SRGAP2C: variants seen among roughly 807,000 people sequenced by gnomAD.
SRGAP2C encodes SLIT-ROBO Rho GTPase activating protein 2C, also known as SLIT-ROBO Rho GTPase-activating protein 2C.
A neutral mutation model predicts 25.1 loss-of-function variants in SRGAP2C; 15 were observed. The ratio of observed to expected loss-of-function variants is 0.60; its 90% CI spans 0.40 to 0.92. The LOEUF (loss-of-function observed/expected upper bound fraction) is 0.92. SRGAP2C is among the 40% of genes least tolerant of loss of function. The pLI is 0.00. For missense variants in SRGAP2C, 144 were observed against 264.4 expected (o/e 0.54, Z 3.16); for synonymous variants, 44 against 96.6 (o/e 0.46, Z 3.19).
intron 2 of SRGAP2C, among the ~76,000 whole-genome samples, chr1:121,239,316 A>AT (rs1395454145): frequency 2.0e-4 from 4 of 20,392 alleles, no homozygotes; most frequent in African/African-American, 1.4e-3. Flanking sequence ...AACAAATGAT[A>AT]TTTTTTCAGA....
chr1:121,263,135 C>T (rs1316960231), intron 2 of SRGAP2C, among the ~76,000 whole-genome samples: 2 of 151,530 alleles, frequency 1.3e-5, no homozygotes, highest in Non-Finnish European at 3.0e-5. Context: ...GGGCAGATCG[C>T]TTGAGGTCAG....
chr1:121,199,495 A>G lies in SRGAP2C; in HGVS notation c.67+11982A>G, dbSNP rs1654923526. Among the ~76,000 whole-genome samples, 2 of 77,884 alleles carry G rather than the reference A, an allele frequency of 2.6e-5. 1 individual carries two copies. Among genetic ancestry groups the G allele is most frequent in the Non-Finnish European group, 5.0e-5 (2 of 39,742 alleles). The allele number at this position is 77,884 out of a possible 152,430, so 51.1% of individuals were successfully genotyped here. A position where few individuals can be genotyped will look rare whatever the true frequency, so the allele number is the denominator to read the frequency against. ...CAGGGTTCATGATTTTTGCTTATTA[A>G]TACGTTGAAGATCGGCCTGGCTGGG... On this transcript the variant is annotated intron_variant, in intron 2 of 9. Transcript: ENST00000367123.
intron 2 of SRGAP2C, among the ~76,000 whole-genome samples, chr1:121,266,068 G>A (rs1411895449): frequency 6.6e-6 from 1 of 151,812 alleles, no homozygotes; most frequent in Non-Finnish European, 1.5e-5. Context: ...TTTGCATCCT[G>A]GGTTCAAGTG....
chr1:121,212,191 T>C (rs1165087969), intron 2 of SRGAP2C, among the ~76,000 whole-genome samples: 1 of 102,334 alleles, frequency 9.8e-6, no homozygotes, highest in Admixed American at 1.2e-4. Context: ...AGTGCAGTGG[T>C]GCGATCTCGG....
rs587599579 is a variant in SRGAP2C at position 121,250,198 on chromosome 1, C to T, written c.68-34605C>T. 4.6e-3 allele frequency among the ~76,000 whole-genome samples: 339 copies of T among 73,500 alleles called. 14 individuals carry two copies. The highest frequency in any genetic ancestry group is 0.01 in the Middle Eastern group (2 of 200). The allele number at this position is 73,500 out of a possible 152,430, so 48.2% of individuals were successfully genotyped here. A position where few individuals can be genotyped will look rare whatever the true frequency, so the allele number is the denominator to read the frequency against. On this transcript the variant is annotated intron_variant, in intron 2 of 9. Transcript: ENST00000367123. ...GTAGGAGAGTAAGAACAAAAGGGGGCTAAGGACATTATAAAAAGTATTAGT... is the reference window on the plus strand; with the variant it reads ...GTAGGAGAGTAAGAACAAAAGGGGGTTAAGGACATTATAAAAAGTATTAGT...
chr1:121,374,426 C>A (rs1374681837), intron 6 of SRGAP2C, among the ~76,000 whole-genome samples: 4 of 151,954 alleles, frequency 2.6e-5, no homozygotes, highest in Admixed American at 2.6e-4. Flanking sequence ...ACAGCAGTCA[C>A]CTTTCCCAAT....
intron 2 of SRGAP2C, among the ~76,000 whole-genome samples, chr1:121,196,232 G>A (rs1553320609): frequency 2.0e-5 from 1 of 50,812 alleles, no homozygotes; most frequent in Non-Finnish European, 3.6e-5. Flanking sequence ...GCTGTGAGCC[G>A]AGATCGTGCC....
At chr1:121,343,910 A>T (rs1486649558) in intron 4 of SRGAP2C, among the ~76,000 whole-genome samples, 1 of 151,192 alleles carries the variant, frequency 6.6e-6, no homozygotes, top group Non-Finnish European at 1.5e-5. Context: ...AAAGAAAAAA[A>T]ATTCCTGATC....
rs1269469761 is a variant in SRGAP2C at position 121,372,866 on chromosome 1, TACACACACACATGC to T, written c.487-1093_487-1080del. On this transcript the variant is annotated intron_variant, in intron 5 of 9. Coordinates refer to ENST00000367123, the MANE Select transcript of SRGAP2C (RefSeq NM_001329984.2). ...ATATTGTACCTTTGCACTCCTGTGTTACACACACACATGCACACACACACACACACACACACACA... is the reference window on the plus strand; with the variant it reads ...ATATTGTACCTTTGCACTCCTGTGTTACACACACACACACACACACACACA... 2.9e-5 allele frequency among the ~76,000 whole-genome samples: 2 copies of T among 70,156 alleles called. 1 individual carries two copies. The highest frequency in any genetic ancestry group is 2.8e-4 in the Admixed American group (2 of 7,260). 46.0% of individuals were successfully genotyped at this position (70,156 alleles called of 152,430 possible).
intron 4 of SRGAP2C, among the ~76,000 whole-genome samples, chr1:121,340,131 T>A: frequency 6.6e-6 from 1 of 151,750 alleles, no homozygotes; most frequent in Non-Finnish European, 1.5e-5. Flanking sequence ...CGATCCAGTC[T>A]CCAACTTTAA....
intron 2 of SRGAP2C, among the ~76,000 whole-genome samples, chr1:121,262,833 G>A (rs587739634): frequency 2.0e-3 from 308 of 151,172 alleles, no homozygotes; most frequent in African/African-American, 6.7e-3. Context: ...AAAATTTGGG[G>A]AAGACTACTT....
At chr1:121,223,359 G>T (rs1655583522) in intron 2 of SRGAP2C, among the ~76,000 whole-genome samples, 2 of 36,038 alleles carry the variant, frequency 5.5e-5, no homozygotes, top group Admixed American at 2.7e-4. Flanking sequence ...GTTTGTGTGT[G>T]TGTGTGTGTG....
chr1:121,338,951 G>A (rs1553342777), intron 4 of SRGAP2C, among the ~76,000 whole-genome samples: 122 of 149,528 alleles, frequency 8.2e-4, no homozygotes, highest in African/African-American at 2.5e-3. Flanking sequence ...AAGTAGTAAC[G>A]TGTTTTTTTC....
intron 2 of SRGAP2C, among the ~76,000 whole-genome samples, chr1:121,207,690 G>C (rs1655149574): frequency 6.6e-6 from 1 of 152,164 alleles, no homozygotes; most frequent in Non-Finnish European, 1.5e-5. Flanking sequence ...ACCATTTATA[G>C]GAAATTATAT....
intron 7 of SRGAP2C, among the ~76,000 whole-genome samples, chr1:121,378,315 T>C (rs1381243279): frequency 1.2e-5 from 1 of 86,830 alleles, no homozygotes; most frequent in African/African-American, 5.4e-5. Context: ...TATGTCAAGA[T>C]ATAGAAAAAA....
intron 2 of SRGAP2C, among the ~76,000 whole-genome samples, chr1:121,257,267 C>T (rs587669015): frequency 4.1e-5 from 6 of 145,690 alleles, no homozygotes; most frequent in African/African-American, 1.3e-4. Flanking sequence ...AGGCACGCAT[C>T]GCCATGCCCA....
chr1:121,312,262 G>T (rs1657980775), intron 3 of SRGAP2C, among the ~76,000 whole-genome samples: 1 of 43,460 alleles, frequency 2.3e-5, no homozygotes, highest in Non-Finnish European at 4.6e-5. Flanking sequence ...TGTGGGATCA[G>T]TGGTGATATC....
intron 4 of SRGAP2C, among the ~76,000 whole-genome samples, chr1:121,363,323 TACCTTAATAGAAAAATGGGCAGAGAAC>T (rs1359123992): frequency 4.2e-5 from 4 of 94,806 alleles, no homozygotes; most frequent in African/African-American, 1.3e-4. Flanking sequence ...CCATAATGAA[TACCTTAATAGAAAAATGGGCAGAGAAC>T]ACCTTAATAA....
At chr1:121,218,678 C>T (rs587750658) in intron 2 of SRGAP2C, among the ~76,000 whole-genome samples, 98 of 149,732 alleles carry the variant, frequency 6.5e-4, no homozygotes, top group African/African-American at 2.3e-3. Flanking sequence ...ACCCGGGAGG[C>T]GAAGGTTGCA....
Sources: gnomAD v4.1 joint callset for allele counts (sites outside exome capture counted in the v4.1 genomes callset) on GRCh38, gnomAD v4.1.1 for gene constraint, MANE v1.5 for transcripts, NCBI Gene and HGNC (gene_info 2026-07-23, HGNC 2026-07-21) for gene names.